Variants in CDH4 observed in about 807,000 individuals in gnomAD.
CDH4 encodes the protein cadherin-4.
Under a neutral mutation model 86.0 loss-of-function variants are expected in CDH4, and 33 were observed. That is an observed-to-expected ratio of 0.38 (90% CI 0.29 to 0.51). CDH4 has a LOEUF of 0.51. CDH4 is among the 20% of genes least tolerant of loss of function. The pLI is 0.86. For synonymous variants in CDH4, 555 were observed against 549.4 expected (o/e 1.01, Z -0.14); for missense variants, 1,114 against 1,307.4 (o/e 0.85, Z 2.28).
intron 2 of CDH4, among the ~76,000 whole-genome samples, chr20:61,422,469 C>CAAAAAAAAAAAAAAAA (rs2085185449): frequency 2.1e-4 from 9 of 42,482 alleles, no homozygotes; most frequent in Non-Finnish European, 3.8e-4. Flanking sequence ...AAAAAAAAAC[C>CAAAAAAAAAAAAAAAA]AAATCTCCCC....
rs1174044918 is a variant in CDH4, at chr20:61,648,939, C to T, written c.170-94624C>T. The stretch of plus-strand genomic sequence containing the variant: ...GTCTGTCCTGCAGGTGGCCCCACCT[C>T]GCAGGTGGCCATCGGGGGCCATCTG... On this transcript the variant is annotated intron_variant, in intron 2 of 15. Transcript: ENST00000614565. Among the ~76,000 whole-genome samples the T allele has an allele frequency of 2.0e-5, 3 of 152,304 alleles. No homozygotes were observed. In the East Asian group the frequency reaches 5.8e-4, roughly 29 times the overall value.
intron 2 of CDH4, chr20:61,719,883 G>A (rs770255147): frequency 6.6e-5 from 10 of 152,212 alleles, no homozygotes; most frequent in Non-Finnish European, 1.3e-4. Flanking sequence ...AGATGAAGGC[G>A]CGGCTGGTGG....
intron 2 of CDH4, among the ~76,000 whole-genome samples, chr20:61,678,597 G>A (rs561855809): frequency 2.6e-5 from 4 of 152,206 alleles, no homozygotes; most frequent in Admixed American, 6.5e-5. Flanking sequence ...CCACCAACTG[G>A]GCACCTTAAA....
intron 2 of CDH4, among the ~76,000 whole-genome samples, chr20:61,268,371 C>T (rs1456664847): frequency 6.6e-6 from 1 of 152,254 alleles, no homozygotes; most frequent in Non-Finnish European, 1.5e-5. Context: ...CAGTGGGAGC[C>T]GAGTGGGACC....
intron 2 of CDH4, among the ~76,000 whole-genome samples, chr20:61,600,705 A>G (rs1430094482): frequency 6.6e-6 from 1 of 152,250 alleles, no homozygotes; most frequent in Admixed American, 6.5e-5. Flanking sequence ...TAGTATATGC[A>G]AGTAACCTAC....
chr20:61,637,082 T>G (rs1225065350), intron 2 of CDH4, among the ~76,000 whole-genome samples: 1 of 152,124 alleles, frequency 6.6e-6, no homozygotes, highest in Non-Finnish European at 1.5e-5. Context: ...TTGTTTTGCC[T>G]TCTTTGCTTT....
At chr20:61,315,653 A>C (rs1263648808) in intron 2 of CDH4, among the ~76,000 whole-genome samples, 1 of 152,212 alleles carries the variant, frequency 6.6e-6, no homozygotes, top group Admixed American at 6.5e-5. Context: ...AAATTGACAA[A>C]TAAAAGTTGT....
intron 2 of CDH4, among the ~76,000 whole-genome samples, chr20:61,301,972 C>T (rs1024567741): frequency 1.3e-5 from 2 of 152,226 alleles, no homozygotes; most frequent in African/African-American, 2.4e-5. Flanking sequence ...CCGTTGCTGA[C>T]TGACAATATT....
intron 2 of CDH4, among the ~76,000 whole-genome samples, chr20:61,262,344 A>T (rs988716657): frequency 1.4e-4 from 21 of 152,126 alleles, no homozygotes; most frequent in African/African-American, 4.8e-4. Context: ...GGTGCTTGGT[A>T]TAACTTGAAA....
chr20:61,402,264 TAC>T (rs2085053623), intron 2 of CDH4, among the ~76,000 whole-genome samples: 1 of 152,236 alleles, frequency 6.6e-6, no homozygotes, highest in African/African-American at 2.4e-5. Context: ...TCCTCCCATG[TAC>T]TTTAAATCAC....
intron 2 of CDH4, among the ~76,000 whole-genome samples, chr20:61,726,219 CAGG>C (rs2088109343): frequency 1.3e-5 from 2 of 152,072 alleles, no homozygotes; most frequent in African/African-American, 4.8e-5. Flanking sequence ...ACAGAAGAAA[CAGG>C]AGCCGAAAAG....
At chr20:61,715,082 G>A (rs764042894) in intron 2 of CDH4, among the ~76,000 whole-genome samples, 9 of 152,088 alleles carry the variant, frequency 5.9e-5, no homozygotes, top group African/African-American at 9.7e-5. Context: ...ATTGTTTTTT[G>A]ACGTTTTGAT....
intron 4 of CDH4, among the ~76,000 whole-genome samples, chr20:61,826,727 C>A (rs1009642845): frequency 6.6e-6 from 1 of 152,178 alleles, no homozygotes; most frequent in Non-Finnish European, 1.5e-5. Flanking sequence ...GTGCTGGGTC[C>A]TTCGAGACCC....
intron 2 of CDH4, among the ~76,000 whole-genome samples, chr20:61,281,797 G>T (rs1240047993): frequency 1.3e-5 from 2 of 152,194 alleles, no homozygotes; most frequent in African/African-American, 4.8e-5. Context: ...TCATCATGAG[G>T]GGTTATGACC....
intron 4 of CDH4, among the ~76,000 whole-genome samples, chr20:61,814,544 A>G (rs1448993998): frequency 1.3e-5 from 2 of 152,234 alleles, no homozygotes; most frequent in East Asian, 3.9e-4. Flanking sequence ...TGGAAGGCAG[A>G]GCTCATGTAC....
At chr20:61,843,998 C>T (rs971573271) in intron 4 of CDH4, among the ~76,000 whole-genome samples, 4 of 152,198 alleles carry the variant, frequency 2.6e-5, no homozygotes, top group African/African-American at 9.7e-5. Flanking sequence ...GGTTTCGCCT[C>T]AACTGAGTGA....
intron 8 of CDH4, among the ~76,000 whole-genome samples, chr20:61,896,730 G>A (rs1399013205): frequency 6.6e-6 from 1 of 152,238 alleles, no homozygotes; most frequent in Non-Finnish European, 1.5e-5. Flanking sequence ...GTGAGCAATG[G>A]TCAGGAAAAG....
At chr20:61,458,357 C>T (rs569511056) in intron 2 of CDH4, among the ~76,000 whole-genome samples, 1 of 138,240 alleles carries the variant, frequency 7.2e-6, no homozygotes, top group Admixed American at 6.9e-5. Flanking sequence ...AGTGCTGACG[C>T]TGTGGTGGTC....
chr20:61,698,405 G>A (rs2087738112), intron 2 of CDH4, among the ~76,000 whole-genome samples: 1 of 152,236 alleles, frequency 6.6e-6, no homozygotes, highest in African/African-American at 2.4e-5. Flanking sequence ...TTGGAAAGTG[G>A]GAGCCGCAGC....
Sources: gnomAD v4.1 joint callset for allele counts (sites outside exome capture counted in the v4.1 genomes callset) on GRCh38, gnomAD v4.1.1 for gene constraint, MANE v1.5 for transcripts, NCBI Gene and HGNC (gene_info 2026-07-23, HGNC 2026-07-21) for gene names.